MED13L: variants seen among roughly 807,000 people sequenced by gnomAD.
MED13L encodes mediator complex subunit 13L.
Under a neutral mutation model 220.9 loss-of-function variants are expected in MED13L, and 7 were observed. The ratio of observed to expected loss-of-function variants is 0.03; its 90% CI spans 0.02 to 0.06. MED13L has a LOEUF of 0.06. MED13L is among the 10% of genes least tolerant of loss of function. MED13L has a pLI of 1.00. For missense variants in MED13L, 1,965 were observed against 2,760.5 expected (o/e 0.71, Z 6.46); for synonymous variants, 1,011 against 1,015.2 (o/e 1.00, Z 0.08).
Position 116,007,439 on chromosome 12 carries a change from G to A in MED13L, c.2210C>T (p.Thr737Met), listed in dbSNP as rs142011259. The A allele has an allele frequency of 1.2e-5, 19 of 1,613,114 alleles. No homozygotes were observed. The highest frequency in any genetic ancestry group is 1.7e-5 in the Admixed American group (1 of 59,970). Residue 737 changes from threonine to methionine, a missense_variant, in exon 11 of 31, where the codon ACG (threonine) becomes ATG (methionine). Transcript: ENST00000281928. ...ATTCTTTTTCAGGGAATCTTTCTCC[G>A]TCCCTTGTTTGCATTTCTTGTTGGC... The part of the protein sequence containing the change: ...FTANKKCKQG[T>M]EKDSLKKNKS...
At chr12:116,094,863 C>T (rs984728038) in intron 4 of MED13L, among the ~76,000 whole-genome samples, 1 of 152,116 alleles carries the variant, frequency 6.6e-6, no homozygotes, top group Non-Finnish European at 1.5e-5. Flanking sequence ...AAGGAGAATG[C>T]TAAGATTAAA....
intron 1 of MED13L, among the ~76,000 whole-genome samples, chr12:116,265,458 C>T (rs147128449): frequency 6.6e-6 from 1 of 152,302 alleles, no homozygotes; most frequent in Non-Finnish European, 1.5e-5. Flanking sequence ...ATTTAACACA[C>T]TTGTTTTTCC....
At chr12:116,042,828 C>G (rs1162133991) in intron 4 of MED13L, among the ~76,000 whole-genome samples, 1 of 152,034 alleles carries the variant, frequency 6.6e-6, no homozygotes, top group Non-Finnish European at 1.5e-5. Context: ...TGAGAAAAAT[C>G]AGTATTGTTT....
At chr12:116,210,282 T>C (rs997164037) in intron 2 of MED13L, among the ~76,000 whole-genome samples, 11 of 152,198 alleles carry the variant, frequency 7.2e-5, no homozygotes, top group East Asian at 1.9e-4. Context: ...GGACTATACG[T>C]CTGGATCTGC....
At chr12:116,063,855 G>T (rs1869707660) in intron 4 of MED13L, among the ~76,000 whole-genome samples, 1 of 152,046 alleles carries the variant, frequency 6.6e-6, no homozygotes, top group Non-Finnish European at 1.5e-5. Flanking sequence ...CCCCCACACA[G>T]ATACCAAAAT....
chr12:116,077,804 A>C (rs934087577), intron 4 of MED13L, among the ~76,000 whole-genome samples: 1 of 152,244 alleles, frequency 6.6e-6, no homozygotes, highest in Non-Finnish European at 1.5e-5. Flanking sequence ...AATAGGACAG[A>C]GAGCTTATCT....
intron 2 of MED13L, among the ~76,000 whole-genome samples, chr12:116,176,550 G>A (rs1880078413): frequency 6.6e-6 from 1 of 152,174 alleles, no homozygotes; most frequent in South Asian, 2.1e-4. Flanking sequence ...GCCTTTGACT[G>A]TAGTCTCAGT....
At chr12:116,236,365 G>A (rs1159353588) in intron 2 of MED13L, among the ~76,000 whole-genome samples, 1 of 152,096 alleles carries the variant, frequency 6.6e-6, no homozygotes. Flanking sequence ...GCTGTGGCAG[G>A]AGATATCACA....
At chr12:116,085,980 G>T (rs1010307972) in intron 4 of MED13L, among the ~76,000 whole-genome samples, 8 of 152,194 alleles carry the variant, frequency 5.3e-5, no homozygotes, top group African/African-American at 1.9e-4. Flanking sequence ...GACTATGCTA[G>T]AACTGTGAAG....
At chr12:116,058,366 A>G (rs16946517) in intron 4 of MED13L, among the ~76,000 whole-genome samples, 2,612 of 152,276 alleles carry the variant, frequency 0.017, 26 homozygotes, top group Middle Eastern at 0.041. Flanking sequence ...TTCAACTTCA[A>G]AAACTCAAAA....
At chr12:116,262,546 A>T (rs970739643) in intron 1 of MED13L, among the ~76,000 whole-genome samples, 2 of 152,210 alleles carry the variant, frequency 1.3e-5, no homozygotes, top group Non-Finnish European at 2.9e-5. Context: ...TAGAAGATAA[A>T]CGCCTACCTT....
chr12:115,969,382 T>G (rs1876416673), intron 27 of MED13L, among the ~76,000 whole-genome samples: 1 of 152,050 alleles, frequency 6.6e-6, no homozygotes, highest in South Asian at 2.1e-4. Context: ...CAAAGACACA[T>G]AAAAGTATGG....
Position 116,088,218 on chromosome 12 carries a change from T to C in MED13L, c.479+8451A>G, listed in dbSNP as rs73198035. ...CAGACTGAACCACAACAGCTAAAAC[T>C]AACAGAAACCCGACCTTGGTTCTTA... On this transcript the variant is annotated intron_variant, in intron 4 of 30. Coordinates refer to ENST00000281928, the MANE Select transcript of MED13L (RefSeq NM_015335.5). Among the ~76,000 whole-genome samples the C allele has an allele frequency of 4.8e-3, 723 of 152,122 alleles. 6 individuals are homozygous for C. The highest frequency in any genetic ancestry group is 4.8e-3 in the Non-Finnish European group (329 of 67,990).
chr12:116,253,744 G>GTT (rs1278727900), intron 1 of MED13L, among the ~76,000 whole-genome samples: 8 of 108,666 alleles, frequency 7.4e-5, no homozygotes, highest in African/African-American at 2.7e-4. Context: ...CACCTTCACG[G>GTT]TTTTTTTTGT....
rs745894713 is a variant in MED13L at position 116,111,540 on chromosome 12, A to T, written c.311-28T>A. 1.3e-5 allele frequency: 20 copies of T among 1,557,018 alleles called. No homozygotes were observed. In the South Asian group the frequency reaches 1.9e-4, roughly 14 times the overall value. On this transcript the variant is annotated intron_variant, in intron 2 of 30. Transcript: ENST00000281928. Reference sequence around the variant, plus strand: ...GAAAAAAAAAAGAAAAAAGAAAAAAAAAGAACCAGTAAAAAGGACATCCAA... The same window carrying T: ...GAAAAAAAAAAGAAAAAAGAAAAAATAAGAACCAGTAAAAAGGACATCCAA...
At chr12:116,222,202 A>C (rs1201946386) in intron 2 of MED13L, among the ~76,000 whole-genome samples, 1 of 152,234 alleles carries the variant, frequency 6.6e-6, no homozygotes, top group Admixed American at 6.5e-5. Flanking sequence ...TTTCACATTC[A>C]CTTCATGTTG....
chr12:116,169,938 G>A (rs1207709972), intron 2 of MED13L, among the ~76,000 whole-genome samples: 1 of 152,168 alleles, frequency 6.6e-6, no homozygotes, highest in Non-Finnish European at 1.5e-5. Context: ...GATTGCTTGA[G>A]CCCAGTAGTT....
At chr12:116,124,758 A>G (rs990708167) in intron 2 of MED13L, among the ~76,000 whole-genome samples, 6 of 152,226 alleles carry the variant, frequency 3.9e-5, no homozygotes, top group Admixed American at 6.5e-5. Flanking sequence ...GTCATAAGCC[A>G]CATTATACTG....
chr12:116,119,827 AAAAAAAAAAAAATATAT>A (rs1176397794), intron 2 of MED13L, among the ~76,000 whole-genome samples: 3 of 115,906 alleles, frequency 2.6e-5, no homozygotes, highest in Non-Finnish European at 5.3e-5. Flanking sequence ...AAAAAAAAAA[AAAAAAAAAAAAATATAT>A]ATATATATAT....
Sources: allele counts gnomAD v4.1 joint callset (sites outside exome capture counted in the v4.1 genomes callset), GRCh38; gene constraint gnomAD v4.1.1; transcripts MANE v1.5; gene names NCBI Gene and HGNC (gene_info 2026-07-23, HGNC 2026-07-21).